Variants in SHC3 observed in about 807,000 individuals in gnomAD.
The protein encoded by SHC3 is SHC-transforming protein 3.
In SHC3, 15 loss-of-function variants were observed where a neutral mutation model predicts 60.4. That is an observed-to-expected ratio of 0.25 (90% CI 0.17 to 0.38). SHC3 has a LOEUF of 0.38. SHC3 is among the 10% of genes least tolerant of loss of function. The pLI is 1.00. For synonymous variants in SHC3, 294 were observed against 325.9 expected, an observed-to-expected ratio of 0.90 and a Z score of 1.05; for missense variants, 677 against 786.1, an observed-to-expected ratio of 0.86 and a Z score of 1.66.
chr9:89,028,435 A>G (rs982844640), intron 11 of SHC3, among the ~76,000 whole-genome samples: 4 of 151,232 alleles, frequency 2.6e-5, no homozygotes, highest in African/African-American at 9.8e-5. Flanking sequence ...GATAATTTGG[A>G]AAACAGAAAA....
In SHC3 at chr9:89,101,238, T is replaced by C. The variant is rs141209287; in HGVS notation, c.545+11318A>G. Among the ~76,000 whole-genome samples the C allele has an allele frequency of 6.2e-3, 938 of 152,316 alleles. 9 individuals carry two copies. The highest frequency in any genetic ancestry group is 0.021 in the African/African-American group (881 of 41,580). On this transcript the variant is annotated intron_variant, in intron 2 of 11. Coordinates refer to ENST00000375835, the MANE Select transcript of SHC3 (RefSeq NM_016848.6). The stretch of plus-strand genomic sequence containing the variant: ...CTTTGTTAGTACATAGAAATGCAAT[T>C]GATATTTGTATTTTGACATTGTATC...
intron 6 of SHC3, among the ~76,000 whole-genome samples, chr9:89,058,406 G>A (rs1009419274): frequency 1.3e-5 from 2 of 149,900 alleles, no homozygotes; most frequent in African/African-American, 4.9e-5. Flanking sequence ...GACAGTGGTG[G>A]AGGATGTGGT....
At chr9:89,137,192 G>T (rs529834051) in intron 1 of SHC3, among the ~76,000 whole-genome samples, 1 of 152,054 alleles carries the variant, frequency 6.6e-6, no homozygotes, top group Non-Finnish European at 1.5e-5. Flanking sequence ...GAAATTTAGT[G>T]GGGGGACACA....
rs761332011 is a variant in SHC3, at chr9:89,042,049, G to C, written c.1337C>G (p.Pro446Arg). 9 of 1,613,182 alleles carry C rather than the reference G, an allele frequency of 5.6e-6. No individual in the cohort carries two copies. The South Asian group carries it at 8.8e-5, about 16-fold the overall frequency. The change falls in exon 10 of 12, where the codon CCA (proline) becomes CGA (arginine). Residue 446 changes from proline (P) to arginine (R), a missense_variant. By Grantham distance (103) the Pro-to-Arg change is moderately radical. Transcript: ENST00000375835. ...PAAVSSAESS[P>R]RKDLFDMKPF... The stretch of plus-strand genomic sequence containing the variant: ...ACTCATGTCAAAGAGGTCTTTCCTT[G>C]GGCTGCTCTCAGCACTGCTGACCGC...
rs1247000808 is a variant in SHC3, at chr9:89,010,410, C to G, written c.*3037G>C. 1 of 152,220 alleles carries G rather than the reference C, an allele frequency of 6.6e-6. No individual in the cohort carries two copies. The highest frequency in any genetic ancestry group is 1.5e-5 in the Non-Finnish European group (1 of 68,048). 9.4% of individuals were successfully genotyped at this position (152,220 alleles called of 1,614,324 possible). A position where few individuals can be genotyped will look rare whatever the true frequency, so the allele number is the denominator to read the frequency against. Reference sequence around the variant, plus strand: ...CCCCATGAGAGGCCCAGCCGGCCTCCGTGGGACAGAGATGTCATTTGAAGC... The same window carrying G: ...CCCCATGAGAGGCCCAGCCGGCCTCGGTGGGACAGAGATGTCATTTGAAGC... On this transcript the variant is annotated 3_prime_UTR_variant, in exon 12 of 12. Coordinates refer to ENST00000375835, the MANE Select transcript of SHC3 (RefSeq NM_016848.6).
intron 1 of SHC3, among the ~76,000 whole-genome samples, chr9:89,125,836 C>T (rs569022383): frequency 2.1e-4 from 32 of 152,282 alleles, no homozygotes; most frequent in African/African-American, 7.2e-4. Flanking sequence ...CCAGAAAACT[C>T]ATGAATTATC....
intron 4 of SHC3, among the ~76,000 whole-genome samples, chr9:89,073,775 C>T (rs923958519): frequency 6.6e-6 from 1 of 152,070 alleles, no homozygotes; most frequent in African/African-American, 2.4e-5. Context: ...GAGAAGATCC[C>T]ACAGATTTAA....
intron 1 of SHC3, among the ~76,000 whole-genome samples, chr9:89,136,260 C>A (rs546388895): frequency 3.5e-3 from 532 of 152,264 alleles, no homozygotes; most frequent in Non-Finnish European, 4.6e-3. Flanking sequence ...AGATCAACTT[C>A]ATCTTGAATA....
intron 1 of SHC3, among the ~76,000 whole-genome samples, chr9:89,129,906 A>C (rs910650926): frequency 2.6e-5 from 4 of 152,210 alleles, no homozygotes; most frequent in Non-Finnish European, 4.4e-5. Flanking sequence ...CACACATAAC[A>C]ATATTAACCT....
chr9:89,031,703 T>C (rs1824495384), intron 11 of SHC3, among the ~76,000 whole-genome samples: 1 of 152,186 alleles, frequency 6.6e-6, no homozygotes, highest in African/African-American at 2.4e-5. Context: ...TAACTATGTG[T>C]GCACAAGTTT....
intron 11 of SHC3, chr9:89,037,389 T>G (rs1824599552): frequency 3.2e-6 from 2 of 631,232 alleles, no homozygotes; most frequent in Admixed American, 6.0e-5. Flanking sequence ...TTATTAAACT[T>G]AGCAATTCTT....
chr9:89,162,005 G>C (rs1826714299), intron 1 of SHC3, among the ~76,000 whole-genome samples: 1 of 113,130 alleles, frequency 8.8e-6, no homozygotes, highest in African/African-American at 3.7e-5. Context: ...GCTTCAAAGA[G>C]AATAAAATAC....
intron 1 of SHC3, among the ~76,000 whole-genome samples, chr9:89,165,791 C>T (rs1000664358): frequency 6.6e-6 from 1 of 152,054 alleles, no homozygotes; most frequent in African/African-American, 2.4e-5. Context: ...AAAAGGCCTC[C>T]GAAATGGTAG....
chr9:89,028,162 C>A (rs1826351849), intron 11 of SHC3, among the ~76,000 whole-genome samples: 1 of 152,196 alleles, frequency 6.6e-6, no homozygotes, highest in Non-Finnish European at 1.5e-5. Flanking sequence ...CAAAACCACG[C>A]CCACACATGT....
chr9:89,149,757 T>A (rs571386359), intron 1 of SHC3, among the ~76,000 whole-genome samples: 1 of 152,364 alleles, frequency 6.6e-6, no homozygotes, highest in East Asian at 1.9e-4. Context: ...ATTTGTAGTT[T>A]CACTTTCTGT....
chr9:89,037,540 CAA>C (rs1236669054), intron 11 of SHC3: 14 of 716,936 alleles, frequency 2.0e-5, no homozygotes, highest in Non-Finnish European at 3.6e-5. Flanking sequence ...AACGGGAAAA[CAA>C]GAGACTTAGC....
chr9:89,162,397 A>G (rs1826721659), intron 1 of SHC3, among the ~76,000 whole-genome samples: 1 of 152,218 alleles, frequency 6.6e-6, no homozygotes, highest in Non-Finnish European at 1.5e-5. Context: ...AAACAGAGAT[A>G]TAGATCAATG....
At chr9:89,153,828 G>T (rs1826581509) in intron 1 of SHC3, among the ~76,000 whole-genome samples, 1 of 152,248 alleles carries the variant, frequency 6.6e-6, no homozygotes, top group African/African-American at 2.4e-5. Flanking sequence ...TGGGGCTTTG[G>T]AGAAGTGAGC....
intron 2 of SHC3, among the ~76,000 whole-genome samples, chr9:89,080,968 G>A (rs1208220686): frequency 3.3e-5 from 5 of 151,948 alleles, no homozygotes; most frequent in South Asian, 4.2e-4. Context: ...GGGTTTCACC[G>A]TATTAGCCAG....
Sources: gnomAD v4.1 joint callset for allele counts (sites outside exome capture counted in the v4.1 genomes callset) on GRCh38, gnomAD v4.1.1 for gene constraint, MANE v1.5 for transcripts, NCBI Gene and HGNC (gene_info 2026-07-23, HGNC 2026-07-21) for gene names.